PPP2R5D: variants seen among roughly 807,000 people sequenced by gnomAD.
The protein encoded by PPP2R5D is serine/threonine-protein phosphatase 2A 56 kDa regulatory subunit delta isoform.
PPP2R5D carries 12 observed loss-of-function variants against 79.1 expected under a neutral mutation model. That is an observed-to-expected ratio of 0.15 (90% confidence interval 0.10 to 0.25). The LOEUF is 0.25. Among genes scored for constraint, PPP2R5D ranks in the 10% least tolerant of loss-of-function variants. The pLI is 1.00. For synonymous variants in PPP2R5D, 277 were observed against 286.6 expected, an observed-to-expected ratio of 0.97 and a Z score of 0.34; for missense variants, 419 against 760.2, an observed-to-expected ratio of 0.55 and a Z score of 5.28.
chr6:43,006,638 T>A lies in PPP2R5D; in HGVS notation c.281T>A (p.Leu94His), dbSNP rs1207959150. 2 of 1,613,994 alleles carry A rather than the reference T, an allele frequency of 1.2e-6. No homozygotes were observed. The highest frequency in any genetic ancestry group is 1.7e-6 in the Non-Finnish European group (2 of 1,180,034). The change falls in exon 3 of 16, where the codon CTC (leucine) becomes CAC (histidine). Residue 94 changes from leucine to histidine, a missense_variant. Transcript: ENST00000485511. This position sits in a 1 kb window ranked among gnomAD's most constrained non-coding sequence, Gnocchi z 4.7. Reference protein sequence around the residue: ...ERRQSSSRFNLSKNRELQKLP... With the variant: ...ERRQSSSRFNHSKNRELQKLP... ...CGGCAAAGCTCCTCCCGCTTCAACC[T>A]CAGCAAGAATCGGGAGCTGCAGAAG...
chr6:42,997,689 A>G (rs930117698), intron 2 of PPP2R5D, among the ~76,000 whole-genome samples: 3 of 150,876 alleles, frequency 2.0e-5, no homozygotes, highest in Non-Finnish European at 3.0e-5. Context: ...TTTGTACTAA[A>G]AGTACATTTT....
At position 43,006,878 on chromosome 6, in the gene PPP2R5D, CA is replaced by C. The variant is rs757210933; in HGVS notation, c.323-32del. On this transcript the variant is annotated intron_variant, in intron 3 of 15. Transcript: ENST00000485511. The surrounding 1 kb of genome is among the most constrained non-coding windows in gnomAD (Gnocchi z 4.7). The stretch of plus-strand genomic sequence containing the variant: ...AGCAGGGCATCGCAGTGAAGGACTA[CA>C]GAGGAGAACCTGACTGCTGGGGCCC... 1.2e-6 allele frequency: 2 copies of C among 1,612,232 alleles called. No individual in the cohort carries two copies. The highest frequency in any genetic ancestry group is 1.7e-5 in the Admixed American group (1 of 60,004).
chr6:42,991,135 A>G (rs1381006601), intron 2 of PPP2R5D, among the ~76,000 whole-genome samples: 1 of 152,142 alleles, frequency 6.6e-6, no homozygotes, highest in African/African-American at 2.4e-5. Flanking sequence ...GTTATTCTGC[A>G]TTGCTTCTTT....
At chr6:42,996,933 A>G (rs1002133762) in intron 2 of PPP2R5D, among the ~76,000 whole-genome samples, 3 of 152,114 alleles carry the variant, frequency 2.0e-5, no homozygotes, top group African/African-American at 7.2e-5. Context: ...TTTTTCTGGT[A>G]ATTGTATGTT....
In PPP2R5D at chr6:43,006,413, G is replaced by C. The variant is rs1377637726; in HGVS notation, c.106-50G>C. On this transcript the variant is annotated intron_variant, in intron 2 of 15. Transcript: ENST00000485511. This position sits in a 1 kb window ranked among gnomAD's most constrained non-coding sequence, Gnocchi z 4.7. Reference sequence around the variant, plus strand: ...ACTTGGGGATGGCCAGGCCCAGGGTGGGAGGCATATCTTGGGAAGTGGATT... The same window carrying C: ...ACTTGGGGATGGCCAGGCCCAGGGTCGGAGGCATATCTTGGGAAGTGGATT... The C allele has an allele frequency of 6.3e-6, 10 of 1,591,764 alleles. No homozygotes were observed. The highest frequency in any genetic ancestry group is 7.7e-6 in the Non-Finnish European group (9 of 1,169,408).
At chr6:43,011,107 G>C in intron 15 of PPP2R5D, 42 bp from the exon 16 acceptor site, 1 of 1,613,618 alleles carries the variant, frequency 6.2e-7, no homozygotes, top group South Asian at 1.1e-5. Flanking sequence ...AATTCACTGG[G>C]AATTGGTCAC....
intron 2 of PPP2R5D, among the ~76,000 whole-genome samples, chr6:42,989,900 A>G (rs28634159): frequency 2.0e-5 from 3 of 152,240 alleles, no homozygotes; most frequent in African/African-American, 4.8e-5. Context: ...CAGACTCCCC[A>G]GAGATTCCTA....
Position 43,008,797 on chromosome 6 carries a change from T to C in PPP2R5D, c.1080+51T>C. The stretch of plus-strand genomic sequence containing the variant: ...CCCACCTCTTACTGTCAGCATCACT[T>C]GCCAGTCTGTACCTACTGGGGGTGC... On this transcript the variant is annotated intron_variant, in intron 10 of 15. Transcript: ENST00000485511. The surrounding 1 kb of genome is among the most constrained non-coding windows in gnomAD (Gnocchi z 4.2). 6.4e-7 allele frequency: 1 copy of C among 1,573,310 alleles called. No individual in the cohort carries two copies. The highest frequency in any genetic ancestry group is 8.7e-7 in the Non-Finnish European group (1 of 1,145,668).
Position 43,006,864 on chromosome 6 carries a change from G to A in PPP2R5D, c.323-47G>A, listed in dbSNP as rs774520489. On this transcript the variant is annotated intron_variant, in intron 3 of 15. Coordinates refer to ENST00000485511, the MANE Select transcript of PPP2R5D (RefSeq NM_006245.4). This position sits in a 1 kb window ranked among gnomAD's most constrained non-coding sequence, Gnocchi z 4.7. ...AGCCCTTGAAGGCAAGCAGGGCATC[G>A]CAGTGAAGGACTACAGAGGAGAACC... The A allele has an allele frequency of 1.5e-5, 24 of 1,606,158 alleles. No homozygotes were observed. Among genetic ancestry groups the A allele is most frequent in the Middle Eastern group, 1.9e-4 (1 of 5,270 alleles).
Position 43,011,647 on chromosome 6 carries a change from G to A in PPP2R5D, c.*361G>A, listed in dbSNP as rs989078092. 8 of 255,518 alleles carry A rather than the reference G, an allele frequency of 3.1e-5. No individual in the cohort carries two copies. The highest frequency in any genetic ancestry group is 1.1e-4 in the South Asian group (2 of 17,686). 15.8% of individuals were successfully genotyped at this position (255,518 alleles called of 1,614,324 possible). A position where few individuals can be genotyped will look rare whatever the true frequency, so the allele number is the denominator to read the frequency against. Reference sequence around the variant, plus strand: ...TTCTTCCCTTCATCCTCATTTGAACGCCAGGTATCTCCCCTCCTCTCTCTC... The same window carrying A: ...TTCTTCCCTTCATCCTCATTTGAACACCAGGTATCTCCCCTCCTCTCTCTC... On this transcript the variant is annotated 3_prime_UTR_variant, in exon 16 of 16. Transcript: ENST00000485511.
intron 2 of PPP2R5D, among the ~76,000 whole-genome samples, chr6:42,998,036 TATATATATATATATATATATA>T (rs1273746082): frequency 8.5e-4 from 28 of 33,038 alleles, no homozygotes; most frequent in Non-Finnish European, 2.0e-3. Context: ...TATATATATA[TATATATATATATATATATATA>T]TTTTTTTTTT....
Position 43,008,108 on chromosome 6 carries a change from C to T in PPP2R5D, c.857+43C>T. The T allele has an allele frequency of 1.2e-6, 2 of 1,613,744 alleles. No homozygotes were observed. Among genetic ancestry groups the T allele is most frequent in the Non-Finnish European group, 1.7e-6 (2 of 1,179,686 alleles). On this transcript the variant is annotated intron_variant, in intron 7 of 15. Coordinates refer to ENST00000485511, the MANE Select transcript of PPP2R5D (RefSeq NM_006245.4). The surrounding 1 kb of genome is among the most constrained non-coding windows in gnomAD (Gnocchi z 4.2). Reference sequence around the variant, plus strand: ...GGCTTAGGAGCAAAACCTTCTGCTACTGAGGTGGGGTGGGAGCAGGGAGGT... The same window carrying T: ...GGCTTAGGAGCAAAACCTTCTGCTATTGAGGTGGGGTGGGAGCAGGGAGGT...
At chr6:42,997,088 C>T (rs746951477) in intron 2 of PPP2R5D, among the ~76,000 whole-genome samples, 9 of 152,030 alleles carry the variant, frequency 5.9e-5, no homozygotes, top group African/African-American at 1.2e-4. Flanking sequence ...CTCTGCCTCC[C>T]GGGTTCAAGT....
At chr6:42,984,794 C>A in intron 1 of PPP2R5D, 90 bp downstream of exon 1, 1 of 1,573,574 alleles carries the variant, frequency 6.4e-7, no homozygotes, top group Non-Finnish European at 8.6e-7. Context: ...CAGCCCCAGA[C>A]TGACCCTCCC....
rs1371179982 is a variant in PPP2R5D, at chr6:43,012,081, C to T, written c.*795C>T. ...AGAAAGAAGGAAGCAGGGAGCGGTG[C>T]CCCAAGCATGGCTCCTGCCAACACC... On this transcript the variant is annotated 3_prime_UTR_variant, in exon 16 of 16. Transcript: ENST00000485511. 2.1e-6 allele frequency: 1 copy of T among 474,198 alleles called. No individual in the cohort carries two copies. Among genetic ancestry groups the T allele is most frequent in the Non-Finnish European group, 2.8e-6 (1 of 360,776 alleles). The allele number at this position is 474,198 out of a possible 1,614,324, so 29.4% of individuals were successfully genotyped here.
intron 1 of PPP2R5D, among the ~76,000 whole-genome samples, chr6:42,986,068 T>C (rs2150247342): frequency 6.6e-6 from 1 of 152,314 alleles, no homozygotes; most frequent in South Asian, 2.1e-4. Context: ...TGAGCCACCG[T>C]GCCTGGCCCA....
chr6:42,988,948 G>C (rs568381231), intron 1 of PPP2R5D, among the ~76,000 whole-genome samples: 3 of 152,172 alleles, frequency 2.0e-5, no homozygotes, highest in Non-Finnish European at 4.4e-5. Context: ...CAGCTGCCAG[G>C]TTCCCAAAGG....
At position 43,008,310 on chromosome 6, in the gene PPP2R5D, G is replaced by A. The variant is rs745704580; in HGVS notation, c.917+50G>A. 6.2e-7 allele frequency: 1 copy of A among 1,613,604 alleles called. No homozygotes were observed. Among genetic ancestry groups the A allele is most frequent in the Admixed American group, 1.7e-5 (1 of 60,028 alleles). ...ATGCCTGAAAAAGGTTGGCAGGATT[G>A]GTGTACTGAACTTGGATCTGACCCT... On this transcript the variant is annotated intron_variant, in intron 8 of 15. Transcript: ENST00000485511. This position sits in a 1 kb window ranked among gnomAD's most constrained non-coding sequence, Gnocchi z 4.2.
At chr6:42,996,342 G>A (rs1771687013) in intron 2 of PPP2R5D, among the ~76,000 whole-genome samples, 1 of 151,550 alleles carries the variant, frequency 6.6e-6, no homozygotes, top group African/African-American at 2.4e-5. Flanking sequence ...GCGGGCGCCT[G>A]TAGTCCCAGC....
Sources: gnomAD v4.1 joint callset for allele counts (sites outside exome capture counted in the v4.1 genomes callset) on GRCh38, gnomAD v4.1.1 for gene constraint, Gnocchi (gnomAD v3.1) non-coding constraint, MANE v1.5 for transcripts, NCBI Gene and HGNC (gene_info 2026-07-23, HGNC 2026-07-21) for gene names.